GNPTAB: variants seen among roughly 807,000 people sequenced by gnomAD.
GNPTAB encodes the protein N-acetylglucosamine-1-phosphotransferase subunits alpha/beta.
A neutral mutation model predicts 136.6 loss-of-function variants in GNPTAB; 92 were observed. That is an observed-to-expected ratio of 0.67 (90% confidence interval 0.57 to 0.80). GNPTAB has a LOEUF of 0.80. Ranked by LOEUF, GNPTAB falls within the 30% of genes least tolerant of loss-of-function variation. GNPTAB has a pLI of 0.00. For synonymous variants in GNPTAB, 512 were observed against 535.1 expected (o/e 0.96, Z 0.60); for missense variants, 1,343 against 1,501.8 (o/e 0.89, Z 1.75).
chr12:101,759,974 A>G, intron 16 of GNPTAB, 56 bp downstream of exon 16: 1 of 1,008,888 alleles, frequency 9.9e-7, no homozygotes, highest in South Asian at 1.3e-5. Flanking sequence ...TGCTGTAAGT[A>G]ACACTTGATA....
Position 101,817,265 on chromosome 12 carries a change from C to CTTT in GNPTAB, c.117+13291_117+13293dup, listed in dbSNP as rs71438444. On this transcript the variant is annotated intron_variant, in intron 1 of 20. Transcript: ENST00000299314. ...CCATTACCCAGATTTTATCATTCCA[C>CTTT]TTTTTTTTTTTTTTTTTTTTTTGAG... 9.6e-3 allele frequency among the ~76,000 whole-genome samples: 1,040 copies of CTTT among 108,126 alleles called. 35 individuals carry two copies. The highest frequency in any genetic ancestry group is 0.029 in the African/African-American group (764 of 26,714). The allele number at this position is 108,126 out of a possible 152,430, so 70.9% of individuals were successfully genotyped here. A position where few individuals can be genotyped will look rare whatever the true frequency, so the allele number is the denominator to read the frequency against.
chr12:101,820,980 C>A (rs1280759660), intron 1 of GNPTAB, among the ~76,000 whole-genome samples: 1 of 150,836 alleles, frequency 6.6e-6, no homozygotes, highest in Non-Finnish European at 1.5e-5. Flanking sequence ...TCACTTGAAC[C>A]CAGGAGGTGG....
chr12:101,763,656 T>G (rs1455780320), intron 13 of GNPTAB, among the ~76,000 whole-genome samples: 1 of 152,226 alleles, frequency 6.6e-6, no homozygotes, highest in Non-Finnish European at 1.5e-5. Flanking sequence ...AGTTTCCACA[T>G]GAGCAGTGGC....
intron 1 of GNPTAB, among the ~76,000 whole-genome samples, chr12:101,820,211 A>G (rs1182657382): frequency 3.9e-5 from 6 of 152,250 alleles, no homozygotes; most frequent in South Asian, 2.1e-4. Flanking sequence ...TTTGATGCTT[A>G]TAAGTATTCA....
In GNPTAB at chr12:101,746,885, C is replaced by T. The variant is rs1952742215; in HGVS notation, c.*279G>A. 1 of 383,534 alleles carries T rather than the reference C, an allele frequency of 2.6e-6. No individual in the cohort carries two copies. Among genetic ancestry groups the T allele is most frequent in the African/African-American group, 2.0e-5 (1 of 48,828 alleles). The allele number at this position is 383,534 out of a possible 1,614,324, so 23.8% of individuals were successfully genotyped here. ...TGCTGTGGGAAATTAACAGCTGTCT[C>T]TTGTCAGTGAGCCTTTTTATAAAAA... On this transcript the variant is annotated 3_prime_UTR_variant, in exon 21 of 21. Transcript: ENST00000299314.
In GNPTAB at chr12:101,799,990, T is replaced by C. The variant is rs78929691; in HGVS notation, c.118-3228A>G. Among the ~76,000 whole-genome samples, 1,321 of 152,338 alleles carry C rather than the reference T, an allele frequency of 8.7e-3. 22 individuals are homozygous for C. Among genetic ancestry groups the C allele is most frequent in the African/African-American group, 0.03 (1,248 of 41,570 alleles). On this transcript the variant is annotated intron_variant, in intron 1 of 20. Coordinates refer to ENST00000299314, the MANE Select transcript of GNPTAB (RefSeq NM_024312.5). ...GAGAGAACTTTTGGTTTTGGTTTTG[T>C]TCTGACTTGTTTCCATACACTTGTA...
intron 7 of GNPTAB, among the ~76,000 whole-genome samples, chr12:101,775,113 G>GT (rs1310418184): frequency 5.3e-5 from 8 of 152,194 alleles, no homozygotes; most frequent in Admixed American, 4.6e-4. Flanking sequence ...TGGTGCAAAG[G>GT]TGGAGAAAAT....
At chr12:101,811,552 C>A (rs906697875) in intron 1 of GNPTAB, among the ~76,000 whole-genome samples, 10 of 151,730 alleles carry the variant, frequency 6.6e-5, no homozygotes, top group African/African-American at 2.4e-4. Flanking sequence ...AACTTACAAT[C>A]ATGGCAGAAG....
intron 13 of GNPTAB, among the ~76,000 whole-genome samples, chr12:101,762,996 G>A (rs987396608): frequency 2.0e-5 from 3 of 151,438 alleles, no homozygotes; most frequent in African/African-American, 4.8e-5. Flanking sequence ...CGAGGCGGGC[G>A]GATCACCTTA....
chr12:101,782,973 C>G (rs1868429810), intron 5 of GNPTAB, among the ~76,000 whole-genome samples: 1 of 152,054 alleles, frequency 6.6e-6, no homozygotes, highest in Non-Finnish European at 1.5e-5. Context: ...GAGCAATGTC[C>G]CTACCATCCA....
At chr12:101,750,987 C>A (rs758448929) in intron 19 of GNPTAB, among the ~76,000 whole-genome samples, 67 of 152,278 alleles carry the variant, frequency 4.4e-4, no homozygotes, top group Non-Finnish European at 6.3e-4. Flanking sequence ...AGTTCCCAGG[C>A]AACCCTGCCC....
At chr12:101,818,988 A>G (rs2137183686) in intron 1 of GNPTAB, among the ~76,000 whole-genome samples, 1 of 151,580 alleles carries the variant, frequency 6.6e-6, no homozygotes, top group African/African-American at 2.4e-5. Flanking sequence ...AGCCATGTGG[A>G]ACTGCAAGTA....
At chr12:101,827,811 A>G (rs1337152435) in intron 1 of GNPTAB, among the ~76,000 whole-genome samples, 1 of 152,128 alleles carries the variant, frequency 6.6e-6, no homozygotes, top group Non-Finnish European at 1.5e-5. Context: ...CTAAAAATAC[A>G]AAAACTTAGT....
rs1566067376 is a variant in GNPTAB, at chr12:101,753,483, A to G, written c.3491T>C (p.Val1164Ala). 1 of 1,613,832 alleles carries G rather than the reference A, an allele frequency of 6.2e-7. No individual in the cohort carries two copies. Among genetic ancestry groups the G allele is most frequent in the South Asian group, 1.1e-5 (1 of 91,086 alleles). ...ATAGAAGTCCCTGAGAACAGCCTTC[A>G]CTGTCTGAGCATCTTTATGATTGTG... is the stretch of plus-strand genomic sequence containing the variant. Reference protein sequence around the residue: ...IDHNHKDAQTVKAVLRDFYES... With the variant: ...IDHNHKDAQTAKAVLRDFYES... Residue 1164 changes from valine to alanine, a missense_variant, in exon 19 of 21, where the codon GTG becomes GCG. Transcript: ENST00000299314.
At chr12:101,762,681 T>C (rs1415500452) in intron 13 of GNPTAB, among the ~76,000 whole-genome samples, 2 of 152,108 alleles carry the variant, frequency 1.3e-5, no homozygotes, top group Non-Finnish European at 2.9e-5. Flanking sequence ...CAGGGAAATA[T>C]ATGTAAATTT....
chr12:101,782,692 T>A (rs1868406602), intron 5 of GNPTAB, among the ~76,000 whole-genome samples: 1 of 152,216 alleles, frequency 6.6e-6, no homozygotes, highest in Non-Finnish European at 1.5e-5. Flanking sequence ...CTACTCCAAG[T>A]TAAAGCCAGG....
intron 1 of GNPTAB, among the ~76,000 whole-genome samples, chr12:101,817,264 ACT>A (rs1491394919): frequency 0.014 from 1,624 of 119,232 alleles, 34 homozygotes; most frequent in African/African-American, 0.052. Context: ...TTATCATTCC[ACT>A]TTTTTTTTTT....
At chr12:101,767,487 A>G (rs1278297383) in intron 11 of GNPTAB, among the ~76,000 whole-genome samples, 3 of 152,236 alleles carry the variant, frequency 2.0e-5, no homozygotes, top group Admixed American at 6.5e-5. Flanking sequence ...TTGGATTTAT[A>G]TAAGTGTATT....
intron 2 of GNPTAB, among the ~76,000 whole-genome samples, chr12:101,790,842 C>T (rs569055858): frequency 2.6e-5 from 4 of 151,784 alleles, no homozygotes; most frequent in Admixed American, 6.6e-5. Flanking sequence ...CTTGCTCCCC[C>T]GCAAGCCTGC....
Sources: gnomAD v4.1 joint callset for allele counts (sites outside exome capture counted in the v4.1 genomes callset) on GRCh38, gnomAD v4.1.1 for gene constraint, MANE v1.5 for transcripts, NCBI Gene and HGNC (gene_info 2026-07-23, HGNC 2026-07-21) for gene names.